The following PTPRA variants were observed in gnomAD, a reference collection of about 807,000 sequenced individuals.
The protein encoded by PTPRA is protein tyrosine phosphatase receptor type A, also known as receptor-type tyrosine-protein phosphatase alpha.
Under a neutral mutation model 104.8 loss-of-function variants are expected in PTPRA, and 25 were observed. The ratio of observed to expected loss-of-function variants is 0.24; its 90% CI spans 0.17 to 0.33. The LOEUF (loss-of-function observed/expected upper bound fraction) is 0.33, where lower values mean the gene tolerates loss of function less well. Ranked by LOEUF, PTPRA falls within the 10% of genes least tolerant of loss-of-function variation. The probability of loss-of-function intolerance (pLI) is 1.00; values close to 1 mark genes in which losing one functional copy is unlikely to be tolerated. For synonymous variants in PTPRA, 323 were observed against 368.9 expected (o/e 0.88, Z 1.43); for missense variants, 765 against 1,015.3 (o/e 0.75, Z 3.35).
intron 13 of PTPRA, among the ~76,000 whole-genome samples, chr20:3,020,344 CACCTCG>C (rs1341047311): frequency 6.6e-6 from 1 of 152,178 alleles, no homozygotes; most frequent in Non-Finnish European, 1.5e-5. Flanking sequence ...GTGATCCACC[CACCTCG>C]GCCTCCCAAA....
chr20:2,875,873 C>CG (rs887737335), intron 1 of PTPRA, among the ~76,000 whole-genome samples: 8 of 151,930 alleles, frequency 5.3e-5, no homozygotes, highest in Non-Finnish European at 8.8e-5. Context: ...TTTCCTGGGA[C>CG]GGGGGGGCCT....
chr20:2,905,569 G>A (rs1337013727), intron 1 of PTPRA, among the ~76,000 whole-genome samples: 1 of 151,572 alleles, frequency 6.6e-6, no homozygotes, highest in African/African-American at 2.4e-5. Context: ...GGAAAATTAA[G>A]TTGTAGATCT....
chr20:2,886,405 A>T (rs536875101), intron 1 of PTPRA, among the ~76,000 whole-genome samples: 3 of 152,298 alleles, frequency 2.0e-5, no homozygotes, highest in African/African-American at 7.2e-5. Context: ...GTTGATAATT[A>T]TTGAAGCTGG....
At chr20:2,885,278 T>C (rs933909605) in intron 1 of PTPRA, among the ~76,000 whole-genome samples, 3 of 152,244 alleles carry the variant, frequency 2.0e-5, no homozygotes, top group African/African-American at 7.2e-5. Flanking sequence ...AATTTGCATT[T>C]CCTTAATGAC....
At chr20:3,014,416 T>C (rs972863603) in intron 11 of PTPRA, among the ~76,000 whole-genome samples, 7 of 152,056 alleles carry the variant, frequency 4.6e-5, no homozygotes, top group African/African-American at 1.4e-4. Flanking sequence ...GGTGGGCGGA[T>C]CATCTGAGTT....
chr20:2,875,875 G>A (rs1261767832), intron 1 of PTPRA, among the ~76,000 whole-genome samples: 1 of 152,098 alleles, frequency 6.6e-6, no homozygotes, highest in African/African-American at 2.4e-5. Flanking sequence ...TCCTGGGACG[G>A]GGGGGCCTTC....
intron 3 of PTPRA, among the ~76,000 whole-genome samples, chr20:2,962,944 A>G (rs1222894442): frequency 1.3e-5 from 2 of 152,130 alleles, no homozygotes; most frequent in Admixed American, 1.3e-4. Flanking sequence ...AGTCACTACC[A>G]CATTGAACAC....
At chr20:2,894,656 T>TA (rs2058925093) in intron 1 of PTPRA, among the ~76,000 whole-genome samples, 2 of 152,060 alleles carry the variant, frequency 1.3e-5, no homozygotes, top group African/African-American at 4.8e-5. Flanking sequence ...ATCTTCACTT[T>TA]AACTGTGAAA....
chr20:2,966,883 G>C (rs916974605), intron 5 of PTPRA, among the ~76,000 whole-genome samples: 2 of 152,076 alleles, frequency 1.3e-5, no homozygotes, highest in East Asian at 3.9e-4. Context: ...TGAAATTTTA[G>C]TAACAACATA....
At chr20:2,993,928 G>T (rs970845694) in intron 9 of PTPRA, among the ~76,000 whole-genome samples, 2 of 152,174 alleles carry the variant, frequency 1.3e-5, no homozygotes, top group African/African-American at 4.8e-5. Flanking sequence ...CAGGCAGGCA[G>T]GCAGACAGAC....
At chr20:3,002,942 G>A (rs919560193) in intron 9 of PTPRA, among the ~76,000 whole-genome samples, 4 of 151,902 alleles carry the variant, frequency 2.6e-5, no homozygotes, top group African/African-American at 9.7e-5. Flanking sequence ...ACTGATTTTC[G>A]GTTCCTCACA....
intron 1 of PTPRA, among the ~76,000 whole-genome samples, chr20:2,916,347 G>A (rs2059904160): frequency 6.6e-6 from 1 of 152,142 alleles, no homozygotes; most frequent in Non-Finnish European, 1.5e-5. Flanking sequence ...TCAGTCCCAA[G>A]TTAATTTTTA....
chr20:2,924,681 GTGTTT>G (rs1024550107), intron 2 of PTPRA, among the ~76,000 whole-genome samples: 1 of 151,976 alleles, frequency 6.6e-6, no homozygotes, highest in East Asian at 1.9e-4. Context: ...CACCGAAAAG[GTGTTT>G]TGTTTTGTTT....
chr20:2,872,539 C>T (rs1353308512), upstream of PTPRA, among the ~76,000 whole-genome samples: 3 of 152,250 alleles, frequency 2.0e-5, no homozygotes, highest in Admixed American at 2.0e-4. This position sits in a 1 kb window ranked among gnomAD's most constrained non-coding sequence, Gnocchi z 7.9. Flanking sequence ...GTCCAGGGGT[C>T]CCTACTGGGG....
At chr20:2,912,895 A>G (rs531512711) in intron 1 of PTPRA, among the ~76,000 whole-genome samples, 32 of 152,250 alleles carry the variant, frequency 2.1e-4, no homozygotes, top group African/African-American at 7.5e-4. Flanking sequence ...AATTTTACTA[A>G]GGAAGAATTA....
intron 6 of PTPRA, among the ~76,000 whole-genome samples, chr20:2,986,222 A>G (rs1361361466): frequency 6.6e-6 from 1 of 152,134 alleles, no homozygotes; most frequent in Non-Finnish European, 1.5e-5. Context: ...CCTTGTTTTA[A>G]TTAGGAACAG....
intron 3 of PTPRA, among the ~76,000 whole-genome samples, chr20:2,951,459 A>G (rs1157738681): frequency 2.0e-5 from 3 of 151,994 alleles, no homozygotes; most frequent in African/African-American, 7.2e-5. Context: ...TGAATAACTC[A>G]CTCATAATCT....
At chr20:2,947,941 A>T in intron 2 of PTPRA, 41 bp from the exon 3 acceptor site, 1 of 900,420 alleles carries the variant, frequency 1.1e-6, no homozygotes, top group Non-Finnish European at 1.6e-6. Context: ...CACATAACCT[A>T]GATACTCCTA....
At chr20:2,940,231 G>GT (rs1247389241) in intron 2 of PTPRA, among the ~76,000 whole-genome samples, 4 of 151,914 alleles carry the variant, frequency 2.6e-5, no homozygotes, top group Middle Eastern at 3.4e-3. Context: ...AGTTCCAGTA[G>GT]TTTTTTTTAA....
Sources: allele counts gnomAD v4.1 joint callset (sites outside exome capture counted in the v4.1 genomes callset), GRCh38; gene constraint gnomAD v4.1.1; non-coding constraint Gnocchi (gnomAD v3.1); transcripts MANE v1.5; gene names NCBI Gene and HGNC (gene_info 2026-07-23, HGNC 2026-07-21).